The following UNC80 variants were observed in gnomAD, a reference collection of about 807,000 sequenced individuals.
UNC80 encodes protein unc-80 homolog.
Under a neutral mutation model 384.6 loss-of-function variants are expected in UNC80, and 164 were observed. The ratio of observed to expected loss-of-function variants is 0.43; its 90% CI spans 0.38 to 0.49. The LOEUF is 0.49. Ranked by LOEUF, UNC80 falls within the 20% of genes least tolerant of loss-of-function variation. UNC80 has a pLI of 0.00. For synonymous variants in UNC80, 1,486 were observed against 1,527.8 expected (o/e 0.97, Z 0.64); for missense variants, 3,330 against 4,143.0 (o/e 0.80, Z 5.39).
intron 7 of UNC80, among the ~76,000 whole-genome samples, chr2:209,804,782 T>C (rs1190699255): frequency 2.0e-5 from 3 of 148,420 alleles, no homozygotes; most frequent in Admixed American, 6.7e-5. Flanking sequence ...TGTTTTTTTT[T>C]TGAGACAAAG....
intron 5 of UNC80, among the ~76,000 whole-genome samples, chr2:209,788,115 T>A (rs2077560502): frequency 6.6e-6 from 1 of 152,140 alleles, no homozygotes; most frequent in Non-Finnish European, 1.5e-5. Context: ...TAGCTGCACT[T>A]GTTTTAAAAC....
At position 209,817,878 on chromosome 2, in the gene UNC80, C is replaced by A; in HGVS notation, c.1619C>A (p.Ser540Tyr). Residue 540 changes from serine to tyrosine, a missense_variant, in exon 11 of 65, where the codon TCC becomes TAC. Physicochemically the swap from Ser to Tyr is moderately radical, Grantham distance 144. Coordinates refer to ENST00000673920, the MANE Select transcript of UNC80 (RefSeq NM_001371986.1). ...TEMESLSARH[S>Y]HSHHTLVSDL... ...ATGGAGAGTCTGAGCGCCAGGCATT[C>A]CCACTCCCATCACACCCTGGTAAGC... is the stretch of plus-strand genomic sequence containing the variant. 1.3e-6 allele frequency: 2 copies of A among 1,551,670 alleles called. No homozygotes were observed. The highest frequency in any genetic ancestry group is 1.7e-6 in the Non-Finnish European group (2 of 1,146,986).
At chr2:209,945,747 T>C in intron 46 of UNC80, 100 bp from the exon 47 acceptor site, 4 of 707,088 alleles carry the variant, frequency 5.7e-6, no homozygotes, top group Non-Finnish European at 9.5e-6. Flanking sequence ...AAGAAAAGGC[T>C]ACAGTATATA....
intron 27 of UNC80, 73 bp downstream of exon 27, chr2:209,894,439 A>G: frequency 1.1e-6 from 1 of 872,338 alleles, no homozygotes; most frequent in Non-Finnish European, 1.4e-6. Context: ...AAAGAGCTGA[A>G]GTCCATTTTC....
chr2:209,804,753 T>G (rs924142371), intron 7 of UNC80, among the ~76,000 whole-genome samples: 11 of 107,906 alleles, frequency 1.0e-4, no homozygotes, highest in East Asian at 2.4e-4. Flanking sequence ...ATTTAGAGAG[T>G]TTTTTTTTTG....
chr2:209,848,094 T>C (rs1186802155), intron 21 of UNC80, among the ~76,000 whole-genome samples: 12 of 152,042 alleles, frequency 7.9e-5, no homozygotes, highest in Admixed American at 7.9e-4. Flanking sequence ...TAACAGGAAT[T>C]TACCTGTTCT....
chr2:209,811,304 C>A (rs186793783), intron 7 of UNC80, among the ~76,000 whole-genome samples: 3 of 152,256 alleles, frequency 2.0e-5, no homozygotes, highest in Admixed American at 2.0e-4. Flanking sequence ...GAATGGTAAA[C>A]CCAGCCAGAC....
intron 26 of UNC80, 36 bp from the exon 27 acceptor site, chr2:209,894,127 G>C (rs994737244): frequency 1.0e-6 from 1 of 982,734 alleles, no homozygotes; most frequent in Non-Finnish European, 1.2e-6. Context: ...GGGAACACTA[G>C]GGGGGAAAAA....
chr2:209,837,138 C>G (rs1373174001), intron 18 of UNC80, among the ~76,000 whole-genome samples: 1 of 152,132 alleles, frequency 6.6e-6, no homozygotes, highest in East Asian at 1.9e-4. Flanking sequence ...ATATTCAGTA[C>G]TCTGATGAGA....
intron 47 of UNC80, among the ~76,000 whole-genome samples, chr2:209,953,432 A>C (rs2092281098): frequency 6.6e-6 from 1 of 151,622 alleles, no homozygotes; most frequent in South Asian, 2.1e-4. Flanking sequence ...AAAAAAAAAA[A>C]AAAAAAAAAA....
At chr2:209,978,018 T>C (rs2125018600) in intron 58 of UNC80, among the ~76,000 whole-genome samples, 1 of 152,304 alleles carries the variant, frequency 6.6e-6, no homozygotes, top group Non-Finnish European at 1.5e-5. Flanking sequence ...TATTCTACTT[T>C]GTAATAAAAT....
At chr2:209,852,034 C>T (rs1384094328) in intron 22 of UNC80, among the ~76,000 whole-genome samples, 4 of 152,068 alleles carry the variant, frequency 2.6e-5, no homozygotes, top group African/African-American at 9.7e-5. Flanking sequence ...AGCGCTGGAG[C>T]TTATAAGCAG....
At chr2:209,811,359 C>T (rs1294386880) in intron 7 of UNC80, among the ~76,000 whole-genome samples, 1 of 152,052 alleles carries the variant, frequency 6.6e-6, no homozygotes. Context: ...GCATTTTATT[C>T]TAAGGGGATT....
Position 209,840,395 on chromosome 2 carries a change from C to T in UNC80, c.3251-147C>T, listed in dbSNP as rs1268371829. On this transcript the variant is annotated intron_variant, in intron 19 of 64. Transcript: ENST00000673920. Reference sequence around the variant, plus strand: ...TAGTCTAACACTGAACATTTTTATTCAAAGCATGTACATTGAAAACAATTT... The same window carrying T: ...TAGTCTAACACTGAACATTTTTATTTAAAGCATGTACATTGAAAACAATTT... 4 of 666,702 alleles carry T rather than the reference C, an allele frequency of 6.0e-6. No homozygotes were observed. In the East Asian group the frequency reaches 8.2e-5, roughly 14 times the overall value. The allele number at this position is 666,702 out of a possible 1,614,324, so 41.3% of individuals were successfully genotyped here.
At chr2:209,787,904 C>T (rs2077543294) in intron 5 of UNC80, among the ~76,000 whole-genome samples, 1 of 152,000 alleles carries the variant, frequency 6.6e-6, no homozygotes, top group Non-Finnish European at 1.5e-5. Flanking sequence ...AGGAGATGTT[C>T]CAGAAGAAGG....
At chr2:209,805,998 A>G (rs1412838976) in intron 7 of UNC80, among the ~76,000 whole-genome samples, 1 of 152,160 alleles carries the variant, frequency 6.6e-6, no homozygotes, top group Non-Finnish European at 1.5e-5. Context: ...TTTTCACATC[A>G]ATTGTTGAGC....
intron 44 of UNC80, among the ~76,000 whole-genome samples, chr2:209,942,663 T>G (rs1197146187): frequency 1.3e-5 from 2 of 152,148 alleles, no homozygotes; most frequent in Non-Finnish European, 2.9e-5. Context: ...AGGACTCTCT[T>G]CCTCATTTTT....
At chr2:209,829,490 A>G (rs2080797741) in intron 15 of UNC80, 111 bp downstream of exon 15, 1 of 1,128,768 alleles carries the variant, frequency 8.9e-7, no homozygotes, top group South Asian at 1.5e-5. Context: ...AAAGATACGT[A>G]TGTGTCCATG....
rs1235705251 is a variant in UNC80 at position 209,939,477 on chromosome 2, C to T, written c.6471C>T (p.Phe2157=). 3 of 1,548,872 alleles carry T rather than the reference C, an allele frequency of 1.9e-6. No homozygotes were observed. Among genetic ancestry groups the T allele is most frequent in the Admixed American group, 3.9e-5 (2 of 50,852 alleles). The part of the protein sequence containing the change: ...KGQELIQKQV[F]TRKLEEVGRV... ...CCTGCTTTTGTTTTCTCCAGGTGTT[C>T]ACCCGAAAGCTGGAAGAAGTAGGGC... The change falls in exon 43 of 65, where the codon TTC becomes TTT. Residue 2157 remains phenylalanine (F), a synonymous_variant. Transcript: ENST00000673920.
Sources: allele counts gnomAD v4.1 joint callset (sites outside exome capture counted in the v4.1 genomes callset), GRCh38; gene constraint gnomAD v4.1.1; transcripts MANE v1.5; gene names NCBI Gene and HGNC (gene_info 2026-07-23, HGNC 2026-07-21).